DTNBP1: variants seen among roughly 807,000 people sequenced by gnomAD.
DTNBP1 encodes dysbindin.
Under a neutral mutation model 42.8 loss-of-function variants are expected in DTNBP1, and 35 were observed. That is an observed-to-expected ratio of 0.82 (90% CI 0.63 to 1.09). The LOEUF (loss-of-function observed/expected upper bound fraction) is 1.09. Among genes scored for constraint, DTNBP1 ranks in the 50% least tolerant of loss-of-function variants. The pLI is 0.00. For missense variants in DTNBP1, 457 were observed against 424.2 expected (o/e 1.08, Z -0.68); for synonymous variants, 171 against 162.2 (o/e 1.05, Z -0.41).
intron 3 of DTNBP1, among the ~76,000 whole-genome samples, chr6:15,642,437 C>T (rs1321288573): frequency 6.6e-6 from 1 of 152,206 alleles, no homozygotes; most frequent in Non-Finnish European, 1.5e-5. Flanking sequence ...CCACCATCCC[C>T]TGCCCACTCA....
rs775531396 is a variant in DTNBP1 at position 15,662,993 on chromosome 6, C to T, written c.-124G>A. ...CCCCGCACTCCCACTACCGGCCCCG[C>T]CCCCGGTCTGGTCCTCGCCGCCGCG... is the stretch of plus-strand genomic sequence containing the variant. On this transcript the variant is annotated 5_prime_UTR_variant, in exon 1 of 10. Coordinates refer to ENST00000344537, the MANE Select transcript of DTNBP1 (RefSeq NM_032122.5). 2 of 1,386,374 alleles carry T rather than the reference C, an allele frequency of 1.4e-6. No individual in the cohort carries two copies. Among genetic ancestry groups the T allele is most frequent in the African/African-American group, 1.4e-5 (1 of 69,750 alleles). 85.9% of individuals were successfully genotyped at this position (1,386,374 alleles called of 1,614,324 possible).
At chr6:15,528,440 G>C (rs1226380585) in intron 8 of DTNBP1, among the ~76,000 whole-genome samples, 1 of 152,056 alleles carries the variant, frequency 6.6e-6, no homozygotes, top group Non-Finnish European at 1.5e-5. Flanking sequence ...TGTCCCCTTG[G>C]GGGCAAAAGT....
intron 8 of DTNBP1, among the ~76,000 whole-genome samples, chr6:15,524,964 G>A (rs985530494): frequency 4.6e-5 from 7 of 152,164 alleles, no homozygotes; most frequent in South Asian, 2.1e-4. Context: ...TGAGTAGGAC[G>A]CTCAGCCTGT....
intron 1 of DTNBP1, among the ~76,000 whole-genome samples, chr6:15,653,534 A>G (rs1197847400): frequency 6.6e-6 from 1 of 152,248 alleles, no homozygotes; most frequent in African/African-American, 2.4e-5. Context: ...AGAGCTGCAT[A>G]TATAGAATTA....
chr6:15,548,481 A>ACACACACC (rs1478832607), intron 7 of DTNBP1: 6 of 134,702 alleles, frequency 4.5e-5, no homozygotes, highest in African/African-American at 1.4e-4. Flanking sequence ...ACACACACAC[A>ACACACACC]CCACAATTCT....
At chr6:15,553,134 T>C (rs1289273835) in intron 7 of DTNBP1, among the ~76,000 whole-genome samples, 1 of 152,160 alleles carries the variant, frequency 6.6e-6, no homozygotes, top group East Asian at 1.9e-4. Flanking sequence ...AACAAGTTGA[T>C]GAAATGATTT....
At chr6:15,570,717 C>T (rs780687793) in intron 7 of DTNBP1, among the ~76,000 whole-genome samples, 16 of 152,122 alleles carry the variant, frequency 1.1e-4, no homozygotes, top group Non-Finnish European at 1.8e-4. Context: ...CCTGGGAGTG[C>T]TTAAAAATAA....
intron 6 of DTNBP1, among the ~76,000 whole-genome samples, chr6:15,598,102 T>C (rs1471120120): frequency 1.3e-5 from 2 of 152,174 alleles, no homozygotes; most frequent in African/African-American, 4.8e-5. Flanking sequence ...CAAAAGCTAA[T>C]AATATTCCAA....
intron 4 of DTNBP1, among the ~76,000 whole-genome samples, chr6:15,635,663 G>T (rs1265505242): frequency 6.6e-6 from 1 of 152,096 alleles, no homozygotes; most frequent in Non-Finnish European, 1.5e-5. Flanking sequence ...ATCTCACCTG[G>T]TTCAACCTAA....
intron 5 of DTNBP1, among the ~76,000 whole-genome samples, chr6:15,618,042 T>C (rs1758815188): frequency 6.6e-6 from 1 of 152,158 alleles, no homozygotes. Context: ...CCATATGGTG[T>C]TCTATTTTCG....
chr6:15,637,787 G>A lies in DTNBP1; in HGVS notation c.179C>T (p.Ala60Val). The change falls in exon 4 of 10, where the codon GCT becomes GTT. Residue 60 changes from alanine to valine, a missense_variant. Transcript: ENST00000344537. ...ELLSRYEDTWAALHRRAKDCA... is the reference protein window; with the variant it reads ...ELLSRYEDTWVALHRRAKDCA... Reference sequence around the variant, plus strand: ...GTCTTTGGCTCTTCTGTGAAGTGCAGCCCATGTATCCTCATACCTAAAAAA... The same window carrying A: ...GTCTTTGGCTCTTCTGTGAAGTGCAACCCATGTATCCTCATACCTAAAAAA... 4 of 1,613,506 alleles carry A rather than the reference G, an allele frequency of 2.5e-6. No homozygotes were observed. The highest frequency in any genetic ancestry group is 2.5e-6 in the Non-Finnish European group (3 of 1,180,006).
chr6:15,524,960 G>A (rs1262671763), intron 8 of DTNBP1, among the ~76,000 whole-genome samples: 2 of 152,196 alleles, frequency 1.3e-5, no homozygotes, highest in African/African-American at 2.4e-5. Context: ...GTTTTGAGTA[G>A]GACGCTCAGC....
chr6:15,555,698 CA>C (rs1774473944), intron 7 of DTNBP1, among the ~76,000 whole-genome samples: 1 of 152,184 alleles, frequency 6.6e-6, no homozygotes, highest in Admixed American at 6.5e-5. Context: ...CAGGAATCCC[CA>C]CCCCTTTCCC....
Position 15,581,723 on chromosome 6 carries a change from CTGCCTTGGCCCCCCAAAA to C in DTNBP1, c.511+11318_511+11335del, listed in dbSNP as rs1174435651. On this transcript the variant is annotated intron_variant, in intron 7 of 9. Transcript: ENST00000344537. ...GAACTCCTGACCTCAGGTGATCCAC[CTGCCTTGGCCCCCCAAAA>C]GTGTTGGGATTACAGGCATGAGCCA... Among the ~76,000 whole-genome samples, 2 of 152,160 alleles carry C rather than the reference CTGCCTTGGCCCCCCAAAA, an allele frequency of 1.3e-5. 1 individual carries two copies.
rs137929324 is a variant in DTNBP1 at position 15,644,735 on chromosome 6, T to C, written c.161+6578A>G. Reference sequence around the variant, plus strand: ...ATAAAAAAAAATTAATTGAATCAAATGAAAATAAAGACACAACATACCAAA... The same window carrying C: ...ATAAAAAAAAATTAATTGAATCAAACGAAAATAAAGACACAACATACCAAA... On this transcript the variant is annotated intron_variant, in intron 3 of 9. Coordinates refer to ENST00000344537, the MANE Select transcript of DTNBP1 (RefSeq NM_032122.5). Among the ~76,000 whole-genome samples the C allele has an allele frequency of 8.6e-3, 1,299 of 151,802 alleles. 22 individuals carry two copies. The highest frequency in any genetic ancestry group is 0.029 in the African/African-American group (1,217 of 41,396).
At chr6:15,642,996 T>C (rs1760463083) in intron 3 of DTNBP1, among the ~76,000 whole-genome samples, 1 of 151,844 alleles carries the variant, frequency 6.6e-6, no homozygotes, top group Admixed American at 6.6e-5. Context: ...CAATAAAGAA[T>C]AAAAAATACG....
intron 4 of DTNBP1, among the ~76,000 whole-genome samples, chr6:15,636,865 T>C (rs773625119): frequency 3.9e-5 from 6 of 152,226 alleles, no homozygotes; most frequent in Non-Finnish European, 5.9e-5. Flanking sequence ...TGGCCCTTTA[T>C]GTTTCCCTTA....
rs561868389 is a variant in DTNBP1 at position 15,587,305 on chromosome 6, T to A, written c.511+5754A>T. 1.8e-3 allele frequency among the ~76,000 whole-genome samples: 278 copies of A among 152,286 alleles called. No homozygotes were observed. Among genetic ancestry groups the A allele is most frequent in the African/African-American group, 6.5e-3 (269 of 41,554 alleles). ...CATGGATTGAAAGACTCACTATCATTAAGATGACAATTTTCCCCAAATTGA... is the reference window on the plus strand; with the variant it reads ...CATGGATTGAAAGACTCACTATCATAAAGATGACAATTTTCCCCAAATTGA... On this transcript the variant is annotated intron_variant, in intron 7 of 9. Coordinates refer to ENST00000344537, the MANE Select transcript of DTNBP1 (RefSeq NM_032122.5). This position sits in a 1 kb window ranked among gnomAD's most constrained non-coding sequence, Gnocchi z 4.1.
intron 7 of DTNBP1, chr6:15,586,008 T>C: frequency 4.0e-6 from 5 of 1,261,728 alleles, no homozygotes; most frequent in Non-Finnish European, 5.0e-6. Context: ...GGGGCTCTAG[T>C]GTGCAAAGAT....
Sources: allele counts gnomAD v4.1 joint callset (sites outside exome capture counted in the v4.1 genomes callset), GRCh38; gene constraint gnomAD v4.1.1; non-coding constraint Gnocchi (gnomAD v3.1); transcripts MANE v1.5; gene names NCBI Gene and HGNC (gene_info 2026-07-23, HGNC 2026-07-21).